Variants in XKR9 observed in about 807,000 individuals in gnomAD.
XKR9 encodes the protein XK-related protein 9.
In XKR9, 32 loss-of-function variants were observed where a neutral mutation model predicts 32.0. The ratio of observed to expected loss-of-function variants is 1.00; its 90% CI spans 0.76 to 1.34. The LOEUF is 1.34. XKR9 is among the 40% of genes most tolerant of loss of function. XKR9 has a pLI of 0.00. For missense variants in XKR9, 546 were observed against 429.7 expected (o/e 1.27, Z -2.39); for synonymous variants, 168 against 143.4 (o/e 1.17, Z -1.22).
the XKR9 span, among the ~76,000 whole-genome samples, chr8:70,998,509 T>A: frequency 6.6e-6 from 1 of 152,228 alleles, no homozygotes; most frequent in Non-Finnish European, 1.5e-5. Context: ...GCTTAAGATG[T>A]GAATCAAAAT....
chr8:71,050,252 T>TAG, the XKR9 span, among the ~76,000 whole-genome samples: 34 of 126,234 alleles, frequency 2.7e-4, 1 homozygote, highest in African/African-American at 1.1e-3. Context: ...TATATATATA[T>TAG]ATATATATAG....
chr8:70,763,656 G>C (rs536195442), intron 2 of XKR9, among the ~76,000 whole-genome samples: 18 of 152,242 alleles, frequency 1.2e-4, no homozygotes, highest in Non-Finnish European at 1.9e-4. Flanking sequence ...ACTAATTTCT[G>C]AAAAAATTAT....
the XKR9 span, among the ~76,000 whole-genome samples, chr8:70,933,047 C>T: frequency 5.3e-5 from 8 of 152,180 alleles, no homozygotes; most frequent in Middle Eastern, 3.4e-3. Context: ...CTCTAAAACC[C>T]GGGCCTACCT....
chr8:70,824,585 G>A, the XKR9 span, among the ~76,000 whole-genome samples: 414 of 152,178 alleles, frequency 2.7e-3, 1 homozygote, highest in African/African-American at 9.3e-3. Flanking sequence ...GCATTAAGAA[G>A]ATCATATCTT....
At chr8:70,980,989 G>A in the XKR9 span, among the ~76,000 whole-genome samples, 1 of 152,186 alleles carries the variant, frequency 6.6e-6, no homozygotes. Context: ...AGCTTGTAGG[G>A]TTTCTGCTGA....
At chr8:71,065,310 TAAG>T in the XKR9 span, among the ~76,000 whole-genome samples, 5 of 152,128 alleles carry the variant, frequency 3.3e-5, no homozygotes, top group Non-Finnish European at 1.5e-5. Flanking sequence ...GGTGGCCTTA[TAAG>T]AAGAAGAGGA....
intron 1 of XKR9, among the ~76,000 whole-genome samples, chr8:70,670,198 C>G (rs1818664514): frequency 6.6e-6 from 1 of 152,138 alleles, no homozygotes; most frequent in South Asian, 2.1e-4. Context: ...ACACTTGTCC[C>G]CCTCAGTGAG....
At chr8:70,832,907 T>C in the XKR9 span, among the ~76,000 whole-genome samples, 2 of 152,172 alleles carry the variant, frequency 1.3e-5, no homozygotes, top group South Asian at 4.1e-4. Context: ...TTTTCACTGA[T>C]ACATCTTCAG....
intron 2 of XKR9, among the ~76,000 whole-genome samples, chr8:70,679,065 C>T (rs1818977976): frequency 6.6e-6 from 1 of 152,152 alleles, no homozygotes; most frequent in African/African-American, 2.4e-5. Context: ...GAGGTTCTCT[C>T]TCCTTGGGTT....
chr8:70,675,090 A>G (rs1014876563), intron 2 of XKR9, among the ~76,000 whole-genome samples, 191 bp downstream of exon 2: 1 of 152,206 alleles, frequency 6.6e-6, no homozygotes, highest in Non-Finnish European at 1.5e-5. Context: ...GTGTTAAGCC[A>G]TTCTTGCATT....
Position 70,733,389 on chromosome 8 carries a change from A to G in XKR9, c.494-407A>G, listed in dbSNP as rs17687975. Among the ~76,000 whole-genome samples the G allele has an allele frequency of 8.3e-3, 1,258 of 152,074 alleles. 6 individuals carry two copies. The highest frequency in any genetic ancestry group is 0.011 in the Non-Finnish European group (749 of 67,974). On this transcript the variant is annotated intron_variant, in intron 4 of 4. Coordinates refer to ENST00000408926, the MANE Select transcript of XKR9 (RefSeq NM_001011720.2). ...TTAGTGAATTGGGTGTATGCCTAAA[A>G]TCACAGTCAAAACATCTAGAAAAAC...
intron 2 of XKR9, among the ~76,000 whole-genome samples, chr8:70,770,297 C>T (rs1807436573): frequency 6.6e-6 from 1 of 152,188 alleles, no homozygotes; most frequent in Non-Finnish European, 1.5e-5. Context: ...AGATTGCTGC[C>T]TGCTCCTTCC....
At chr8:70,778,729 T>C (rs1386425611) in intron 2 of XKR9, among the ~76,000 whole-genome samples, 3 of 152,202 alleles carry the variant, frequency 2.0e-5, no homozygotes, top group Non-Finnish European at 2.9e-5. Flanking sequence ...GGGAGTTCAC[T>C]CATGATTTGG....
At chr8:70,951,951 G>A in the XKR9 span, among the ~76,000 whole-genome samples, 1 of 151,950 alleles carries the variant, frequency 6.6e-6, no homozygotes, top group Non-Finnish European at 1.5e-5. Context: ...CCTGAAGGAA[G>A]AGAACAGAAT....
At chr8:70,695,432 G>T (rs79932406) in intron 3 of XKR9, among the ~76,000 whole-genome samples, 48,592 of 148,004 alleles carry the variant, frequency 0.33, 9,064 homozygotes, top group Non-Finnish European at 0.43. Flanking sequence ...GCAGTGTTTG[G>T]TTTTTTGTCC....
At chr8:70,833,755 A>G in the XKR9 span, among the ~76,000 whole-genome samples, 14 of 152,216 alleles carry the variant, frequency 9.2e-5, no homozygotes, top group African/African-American at 3.4e-4. Context: ...TTACTGTGAC[A>G]TAGATTTGAA....
chr8:70,785,739 C>CTCTA (rs1491132751), intron 2 of XKR9, among the ~76,000 whole-genome samples: 15 of 131,234 alleles, frequency 1.1e-4, no homozygotes, highest in Admixed American at 2.3e-4. Flanking sequence ...CTCTCTCTCT[C>CTCTA]TATATATATA....
chr8:70,843,510 G>A, the XKR9 span, among the ~76,000 whole-genome samples: 1 of 152,136 alleles, frequency 6.6e-6, no homozygotes, highest in African/African-American at 2.4e-5. Flanking sequence ...AACCTAAATA[G>A]TAAGTGGATA....
At chr8:70,953,476 TA>T in the XKR9 span, among the ~76,000 whole-genome samples, 1 of 152,128 alleles carries the variant, frequency 6.6e-6, no homozygotes, top group African/African-American at 2.4e-5. Context: ...CGTGCCCGGC[TA>T]ATTTTTTAAT....
Sources: allele counts gnomAD v4.1 joint callset (sites outside exome capture counted in the v4.1 genomes callset), GRCh38; gene constraint gnomAD v4.1.1; transcripts MANE v1.5; gene names NCBI Gene and HGNC (gene_info 2026-07-23, HGNC 2026-07-21).